PIEZO1: variants seen among roughly 807,000 people sequenced by gnomAD.
PIEZO1 encodes piezo type mechanosensitive ion channel component 1 (Er blood group), also known as piezo-type mechanosensitive ion channel component 1.
Under a neutral mutation model 297.2 loss-of-function variants are expected in PIEZO1, and 296 were observed. The observed-to-expected ratio is 1.00, with a 90% CI of 0.91 to 1.10. The LOEUF is 1.10. Ranked by LOEUF, PIEZO1 falls within the 50% of genes least tolerant of loss-of-function variation. PIEZO1 has a pLI of 0.00. For missense variants in PIEZO1, 5,018 were observed against 3,455.5 expected (o/e 1.45, Z -11.34); for synonymous variants, 2,427 against 1,507.5 (o/e 1.61, Z -14.13).
rs1166671844 is a variant in PIEZO1, at chr16:88,734,557, A to T, written c.1998-19T>A. On this transcript the variant is annotated intron_variant, in intron 15 of 50. Coordinates refer to ENST00000301015, the MANE Select transcript of PIEZO1 (RefSeq NM_001142864.4). Reference sequence around the variant, plus strand: ...CCCCAGCCTGTGGAGGGGCAGCATCAGCACCGGCCCGGCCCCCGGCAGAGC... The same window carrying T: ...CCCCAGCCTGTGGAGGGGCAGCATCTGCACCGGCCCGGCCCCCGGCAGAGC... 1 of 1,542,742 alleles carries T rather than the reference A, an allele frequency of 6.5e-7. No individual in the cohort carries two copies. Among genetic ancestry groups the T allele is most frequent in the Non-Finnish European group, 8.8e-7 (1 of 1,142,366 alleles).
rs751316232 is a variant in PIEZO1 at position 88,727,031 on chromosome 16, G to C, written c.3455+8C>G. ...AAGGTTCCCCGTGGAGGGTGACGTG[G>C]AACCCACCTGCAGTGGATAAAGTTG... On this transcript the variant is annotated splice_region_variant and intron_variant, in intron 24 of 50. Transcript: ENST00000301015. The C allele has an allele frequency of 5.2e-6, 8 of 1,548,202 alleles. No individual in the cohort carries two copies. The highest frequency in any genetic ancestry group is 7.0e-6 in the Non-Finnish European group (8 of 1,145,150).
At chr16:88,775,646 T>C (rs1360306037) in intron 1 of PIEZO1, among the ~76,000 whole-genome samples, 1 of 148,286 alleles carries the variant, frequency 6.7e-6, no homozygotes, top group Non-Finnish European at 1.5e-5. Flanking sequence ...GGAGAATCGG[T>C]TGAACCAGGG....
chr16:88,749,422 A>G lies in PIEZO1; in HGVS notation c.122T>C (p.Leu41Pro). The G allele has an allele frequency of 6.6e-7, 1 of 1,519,698 alleles. No homozygotes were observed. The highest frequency in any genetic ancestry group is 1.2e-5 in the South Asian group (1 of 80,874). 94.1% of individuals were successfully genotyped at this position (1,519,698 alleles called of 1,614,324 possible). A position where few individuals can be genotyped will look rare whatever the true frequency, so the allele number is the denominator to read the frequency against. ...TCGGGTGGGGCCGGGGAACCAGGGC[A>G]GCAGCAGCAGGAAGAGCAGGTAGAC... ...SLVYLLFLLL[L>P]PWFPGPTRCG... Residue 41 changes from leucine to proline, a missense_variant, in exon 2 of 51, where the codon CTG (leucine) becomes CCG (proline). Leu to Pro is a moderately conservative substitution (Grantham distance 98). Coordinates refer to ENST00000301015, the MANE Select transcript of PIEZO1 (RefSeq NM_001142864.4).
Position 88,726,405 on chromosome 16 carries a change from C to A in PIEZO1, c.3847G>T (p.Ala1283Ser). The change falls in exon 27 of 51, where the codon GCT becomes TCT. Residue 1283 changes from alanine (A) to serine (S), a missense_variant. Ala to Ser is a moderately conservative substitution (Grantham distance 99, BLOSUM62 1). Transcript: ENST00000301015. ...DQDCLLPVEE[A>S]GIIWDSVCFF... The stretch of plus-strand genomic sequence containing the variant: ...CAGACGCTGTCCCAGATGATGCCAG[C>A]CTCCTCCACAGGCAGCAGGCAGTCC... 6.4e-7 allele frequency: 1 copy of A among 1,550,518 alleles called. No individual in the cohort carries two copies.
chr16:88,719,450 C>T, intron 44 of PIEZO1, 124 bp downstream of exon 44: 1 of 886,310 alleles, frequency 1.1e-6, no homozygotes, highest in Non-Finnish European at 1.7e-6. Flanking sequence ...GCCTCATGTC[C>T]CCATGGGCTC....
At chr16:88,754,670 A>C (rs774610135) in intron 1 of PIEZO1, among the ~76,000 whole-genome samples, 6 of 152,206 alleles carry the variant, frequency 3.9e-5, no homozygotes, top group Non-Finnish European at 8.8e-5. Context: ...TCCAGGAGCC[A>C]CACAGAGACC....
In PIEZO1 at chr16:88,734,703, C is replaced by A; in HGVS notation, c.1944G>T (p.Gln648His). Residue 648 changes from glutamine (Q) to histidine (H), a missense_variant, in exon 15 of 51, where the codon CAG (glutamine) becomes CAT (histidine). Gln to His is a conservative substitution (Grantham distance 24). Transcript: ENST00000301015. The part of the protein sequence containing the change: ...MLVLIAVYTF[Q>H]FQDFPAYWRN... Reference sequence around the variant, plus strand: ...GCCAGTAGGCAGGGAAGTCCTGGAACTGGAAGGTGTAGACGGCGATGAGGA... The same window carrying A: ...GCCAGTAGGCAGGGAAGTCCTGGAAATGGAAGGTGTAGACGGCGATGAGGA... 6.5e-7 allele frequency: 1 copy of A among 1,550,358 alleles called. No homozygotes were observed. The highest frequency in any genetic ancestry group is 8.7e-7 in the Non-Finnish European group (1 of 1,146,950).
chr16:88,775,693 C>T (rs908311469), intron 1 of PIEZO1, among the ~76,000 whole-genome samples: 4 of 142,312 alleles, frequency 2.8e-5, no homozygotes, highest in Non-Finnish European at 6.0e-5. Flanking sequence ...CGTGCCACTC[C>T]ACTACAGCCT....
chr16:88,742,870 G>C, intron 2 of PIEZO1: 1 of 357,260 alleles, frequency 2.8e-6, no homozygotes, highest in Non-Finnish European at 5.6e-6. Context: ...CGTGGCTGGG[G>C]TGGGAGCAGG....
chr16:88,782,342 G>A (rs565530126), intron 1 of PIEZO1, among the ~76,000 whole-genome samples: 6 of 152,126 alleles, frequency 3.9e-5, no homozygotes, highest in African/African-American at 1.2e-4. Flanking sequence ...GAATGGCTAC[G>A]CTCAAGCAAT....
At chr16:88,748,024 T>C (rs536089175) in intron 2 of PIEZO1, among the ~76,000 whole-genome samples, 1 of 152,348 alleles carries the variant, frequency 6.6e-6, no homozygotes, top group African/African-American at 2.4e-5. Context: ...GCCAGCCTGA[T>C]GCGTCCAGCA....
At chr16:88,745,878 C>T (rs1906023251) in intron 2 of PIEZO1, 1 of 152,264 alleles carries the variant, frequency 6.6e-6, no homozygotes, top group Admixed American at 6.5e-5. Flanking sequence ...GGACCTCCCC[C>T]AGAGCCGGAG....
In PIEZO1 at chr16:88,733,289, T is replaced by A. The variant is rs748586445; in HGVS notation, c.2653A>T (p.Asn885Tyr). The part of the protein sequence containing the change: ...KVVNPQEYSS[N>Y]CTEPFPNSTN... ...TCGGGGGCCGGTACCTCGGTGCAGT[T>A]GCTGGAATACTCCTGGGGGTTGACA... Residue 885 changes from asparagine to tyrosine, a missense_variant, in exon 19 of 51, where the codon AAC becomes TAC. Asn to Tyr is a moderately radical substitution (Grantham distance 143). Transcript: ENST00000301015. 34 of 1,542,132 alleles carry A rather than the reference T, an allele frequency of 2.2e-5. 1 individual carries two copies. The South Asian group carries it at 3.9e-4, about 18-fold the overall frequency.
chr16:88,777,196 C>T (rs1479703911), intron 1 of PIEZO1, among the ~76,000 whole-genome samples: 1 of 152,266 alleles, frequency 6.6e-6, no homozygotes, highest in Non-Finnish European at 1.5e-5. Flanking sequence ...TGGTCTTGAA[C>T]TCCTGGCCTT....
chr16:88,733,098 T>G, intron 19 of PIEZO1, 180 bp downstream of exon 19: 1 of 626,106 alleles, frequency 1.6e-6, no homozygotes, highest in Non-Finnish European at 2.8e-6. Context: ...AGTGCGCCCC[T>G]GGTCCACAGT....
intron 5 of PIEZO1, 90 bp downstream of exon 5, chr16:88,741,388 T>A: frequency 8.1e-7 from 1 of 1,240,852 alleles, no homozygotes; most frequent in Non-Finnish European, 1.1e-6. Flanking sequence ...TCTACATCTG[T>A]TTTAAAAAGA....
Position 88,755,381 on chromosome 16 carries a change from A to C in PIEZO1, c.65-5902T>G, listed in dbSNP as rs557872627. On this transcript the variant is annotated intron_variant, in intron 1 of 50. Transcript: ENST00000301015. ...CCCTGGCATTCACGTGCAGGAAAGA[A>C]AAAAAAGAGTGTCTAGTCCTCGTAC... Among the ~76,000 whole-genome samples, 8 of 152,344 alleles carry C rather than the reference A, an allele frequency of 5.3e-5. No homozygotes were observed. The South Asian group carries it at 1.7e-3, about 32-fold the overall frequency.
intron 1 of PIEZO1, among the ~76,000 whole-genome samples, chr16:88,781,941 C>T (rs544487339): frequency 7.2e-5 from 11 of 152,130 alleles, no homozygotes; most frequent in Non-Finnish European, 1.5e-4. Flanking sequence ...GGCTGTGCCA[C>T]GAGGCACCCT....
chr16:88,734,670 G>T lies in PIEZO1; in HGVS notation c.1977C>A (p.Leu659=). The change falls in exon 15 of 51, where the codon CTC becomes CTA. Residue 659 remains leucine, a synonymous_variant. Coordinates refer to ENST00000301015, the MANE Select transcript of PIEZO1 (RefSeq NM_001142864.4). ...FQDFPAYWRN[L]TGFTDEQLGD... ...CTCACTGCTCGTCGGTGAAGCCAGT[G>T]AGGTTGCGCCAGTAGGCAGGGAAGT... 6.5e-7 allele frequency: 1 copy of T among 1,550,298 alleles called. No homozygotes were observed. The highest frequency in any genetic ancestry group is 8.7e-7 in the Non-Finnish European group (1 of 1,146,922).
Sources: gnomAD v4.1 joint callset for allele counts (sites outside exome capture counted in the v4.1 genomes callset) on GRCh38, gnomAD v4.1.1 for gene constraint, MANE v1.5 for transcripts, NCBI Gene and HGNC (gene_info 2026-07-23, HGNC 2026-07-21) for gene names.